Variants in FTO observed in about 807,000 individuals in gnomAD.
FTO encodes the protein alpha-ketoglutarate-dependent dioxygenase FTO.
FTO carries 47 observed loss-of-function variants against 63.9 expected under a neutral mutation model. The observed-to-expected ratio is 0.74, with a 90% confidence interval of 0.58 to 0.94. The LOEUF (loss-of-function observed/expected upper bound fraction) is 0.94. Ranked by LOEUF, FTO falls within the 40% of genes least tolerant of loss-of-function variation. The probability of loss-of-function intolerance (pLI) is 0.00; values close to 1 mark genes in which losing one functional copy is unlikely to be tolerated. For missense variants in FTO, 562 were observed against 618.1 expected (o/e 0.91, Z 0.96); for synonymous variants, 207 against 224.4 (o/e 0.92, Z 0.69).
chr16:54,055,908 G>C (rs2144356912), intron 8 of FTO, among the ~76,000 whole-genome samples: 1 of 152,310 alleles, frequency 6.6e-6, no homozygotes, highest in Admixed American at 6.5e-5. Context: ...AAGAATGAAG[G>C]TGTTTTGATA....
At chr16:53,922,228 T>C (rs1164078533) in intron 7 of FTO, among the ~76,000 whole-genome samples, 1 of 152,186 alleles carries the variant, frequency 6.6e-6, no homozygotes, top group African/African-American at 2.4e-5. Context: ...TCTTGCTTTC[T>C]GTTTCATGCT....
Position 53,989,653 on chromosome 16 carries a change from A to G in FTO, c.1364+55544A>G, listed in dbSNP as rs559014839. Among the ~76,000 whole-genome samples, 9 of 152,252 alleles carry G rather than the reference A, an allele frequency of 5.9e-5. No individual in the cohort carries two copies. The South Asian group carries it at 1.2e-3, about 21-fold the overall frequency. On this transcript the variant is annotated intron_variant, in intron 8 of 8. Coordinates refer to ENST00000471389, the MANE Select transcript of FTO (RefSeq NM_001080432.3). ...TTTAGACTCTAGTCTCCTCATCTAT[A>G]AGGCGGGAATAATATTAACACAGCT...
chr16:53,909,937 G>T (rs1023738662), intron 7 of FTO, among the ~76,000 whole-genome samples: 1 of 151,954 alleles, frequency 6.6e-6, no homozygotes, highest in African/African-American at 2.4e-5. Flanking sequence ...GAGTACAGTG[G>T]TATAATCATA....
intron 8 of FTO, among the ~76,000 whole-genome samples, chr16:54,107,342 C>T (rs1211103824): frequency 6.6e-6 from 1 of 152,080 alleles, no homozygotes; most frequent in East Asian, 1.9e-4. Context: ...TTCAGTAGGA[C>T]TTGGGAATGA....
chr16:53,718,554 G>C (rs1041806997), intron 1 of FTO, among the ~76,000 whole-genome samples: 2 of 151,718 alleles, frequency 1.3e-5, no homozygotes. Flanking sequence ...ACCTCCAGTT[G>C]GTAGTGGTTA....
At chr16:53,902,986 C>T (rs2081441026) in intron 7 of FTO, among the ~76,000 whole-genome samples, 1 of 152,050 alleles carries the variant, frequency 6.6e-6, no homozygotes, top group Admixed American at 6.6e-5. Flanking sequence ...GGCACATGCC[C>T]GTAGTTCCAG....
chr16:54,002,715 T>G (rs1352834629), intron 8 of FTO, among the ~76,000 whole-genome samples: 4 of 152,222 alleles, frequency 2.6e-5, no homozygotes, highest in African/African-American at 4.8e-5. Flanking sequence ...AAAATTTTAT[T>G]AAGTGCTGTC....
intron 6 of FTO, among the ~76,000 whole-genome samples, chr16:53,886,236 C>T (rs1036429386): frequency 6.6e-6 from 1 of 152,180 alleles, no homozygotes; most frequent in Non-Finnish European, 1.5e-5. Flanking sequence ...CCCTGATAGA[C>T]TGGATAAACT....
At chr16:53,740,847 A>G (rs1363579075) in intron 1 of FTO, among the ~76,000 whole-genome samples, 1 of 152,208 alleles carries the variant, frequency 6.6e-6, no homozygotes, top group African/African-American at 2.4e-5. Context: ...AAATTAAGAC[A>G]AGGCTGAAAG....
chr16:53,769,063 A>G (rs756042769), intron 1 of FTO, among the ~76,000 whole-genome samples: 1 of 152,172 alleles, frequency 6.6e-6, no homozygotes, highest in Non-Finnish European at 1.5e-5. Flanking sequence ...CTACCCACAT[A>G]TGTGGTGGGC....
intron 8 of FTO, among the ~76,000 whole-genome samples, chr16:54,048,035 C>G (rs1471144974): frequency 4.4e-5 from 3 of 67,630 alleles, no homozygotes; most frequent in Admixed American, 3.3e-4. Context: ...GTGGGTGCAG[C>G]GCACCAGCAT....
At chr16:54,032,383 T>C (rs2084852326) in intron 8 of FTO, among the ~76,000 whole-genome samples, 1 of 152,176 alleles carries the variant, frequency 6.6e-6, no homozygotes, top group South Asian at 2.1e-4. Context: ...CAAAACCAAT[T>C]TGAGTATGGG....
chr16:54,030,108 C>T (rs1472540123), intron 8 of FTO, among the ~76,000 whole-genome samples: 1 of 152,204 alleles, frequency 6.6e-6, no homozygotes, highest in African/African-American at 2.4e-5. Flanking sequence ...TCGAGGTTCT[C>T]TCTTCCTCCT....
intron 4 of FTO, among the ~76,000 whole-genome samples, chr16:53,870,550 A>T (rs1052093914): frequency 8.5e-5 from 13 of 152,182 alleles, no homozygotes; most frequent in South Asian, 2.1e-4. Context: ...GAATGACAAA[A>T]TTACATCTCA....
chr16:54,078,779 G>T (rs2086064149), intron 8 of FTO, among the ~76,000 whole-genome samples: 2 of 152,066 alleles, frequency 1.3e-5, no homozygotes, highest in Non-Finnish European at 2.9e-5. Context: ...AAACAGAAAG[G>T]CCAGGTATGG....
chr16:53,721,274 T>C (rs1048527302), intron 1 of FTO, among the ~76,000 whole-genome samples: 1 of 152,162 alleles, frequency 6.6e-6, no homozygotes, highest in East Asian at 1.9e-4. Context: ...CACAGTCTCA[T>C]TTCCTCTGCA....
chr16:53,755,225 T>G (rs961929174), intron 1 of FTO, among the ~76,000 whole-genome samples: 5 of 152,188 alleles, frequency 3.3e-5, no homozygotes, highest in Admixed American at 6.5e-5. Flanking sequence ...CCAAATGTCA[T>G]TTATGTGAGA....
intron 8 of FTO, among the ~76,000 whole-genome samples, chr16:53,961,191 G>C (rs2083072044): frequency 6.6e-6 from 1 of 151,528 alleles, no homozygotes; most frequent in African/African-American, 2.4e-5. Context: ...TCTGCATCGA[G>C]TGCAGCTTTG....
chr16:54,096,196 C>T (rs2086513160), intron 8 of FTO, among the ~76,000 whole-genome samples: 1 of 152,222 alleles, frequency 6.6e-6, no homozygotes, highest in African/African-American at 2.4e-5. Flanking sequence ...CAAGCATCTT[C>T]TTGATCACTG....
Sources: gnomAD v4.1 joint callset for allele counts (sites outside exome capture counted in the v4.1 genomes callset) on GRCh38, gnomAD v4.1.1 for gene constraint, MANE v1.5 for transcripts, NCBI Gene and HGNC (gene_info 2026-07-23, HGNC 2026-07-21) for gene names.